PARD3: variants seen among roughly 807,000 people sequenced by gnomAD.
PARD3 encodes the protein par-3 family cell polarity regulator, also known as partitioning defective 3 homolog.
A neutral mutation model predicts 155.4 loss-of-function variants in PARD3; 75 were observed. That is an observed-to-expected ratio of 0.48 (90% CI 0.40 to 0.58). The LOEUF is 0.58. Ranked by LOEUF, PARD3 falls within the 20% of genes least tolerant of loss-of-function variation. The pLI, the probability that PARD3 is intolerant of heterozygous loss-of-function variation, is 0.00. For missense variants in PARD3, 1,642 were observed against 1,721.7 expected (o/e 0.95, Z 0.82); for synonymous variants, 576 against 610.5 (o/e 0.94, Z 0.83).
At chr10:34,151,527 A>G (rs1564435516) in intron 22 of PARD3, among the ~76,000 whole-genome samples, 1 of 152,202 alleles carries the variant, frequency 6.6e-6, no homozygotes. Context: ...AGTTTGAGGT[A>G]TACATTTTTT....
intron 1 of PARD3, among the ~76,000 whole-genome samples, chr10:34,796,939 C>T (rs1274811676): frequency 6.6e-6 from 1 of 152,158 alleles, no homozygotes; most frequent in Admixed American, 6.5e-5. Flanking sequence ...GAACTGAGAT[C>T]GTGCCACTGC....
At chr10:34,221,414 A>G (rs1269266510) in intron 22 of PARD3, among the ~76,000 whole-genome samples, 1 of 141,900 alleles carries the variant, frequency 7.0e-6, no homozygotes, top group Admixed American at 7.0e-5. Context: ...TTTGATAAGT[A>G]AAAATTGTAG....
rs144948669 is a variant in PARD3, at chr10:34,679,322, G to A, written c.222+16996C>T. ...AAAACTGCACCAGTCAAACAGGCCGGAGGTAGTTTGTCAAGAGTAAAACAG... is the reference window on the plus strand; with the variant it reads ...AAAACTGCACCAGTCAAACAGGCCGAAGGTAGTTTGTCAAGAGTAAAACAG... On this transcript the variant is annotated intron_variant, in intron 2 of 24. Coordinates refer to ENST00000374788, the MANE Select transcript of PARD3 (RefSeq NM_001184785.2). Among the ~76,000 whole-genome samples, 5 of 152,256 alleles carry A rather than the reference G, an allele frequency of 3.3e-5. No individual in the cohort carries two copies. The East Asian group carries it at 9.7e-4, about 29-fold the overall frequency.
chr10:34,695,006 A>G (rs1200937743), intron 2 of PARD3, among the ~76,000 whole-genome samples: 2 of 152,140 alleles, frequency 1.3e-5, no homozygotes, highest in African/African-American at 2.4e-5. Context: ...AGCAGAGTGA[A>G]TATCTGGGTG....
At chr10:34,119,264 T>G (rs1678016085) in intron 24 of PARD3, among the ~76,000 whole-genome samples, 1 of 152,236 alleles carries the variant, frequency 6.6e-6, no homozygotes, top group Admixed American at 6.5e-5. Context: ...CCATATGTGC[T>G]AAGCCAAATA....
At chr10:34,368,335 A>G (rs1313596804) in intron 12 of PARD3, among the ~76,000 whole-genome samples, 1 of 152,148 alleles carries the variant, frequency 6.6e-6, no homozygotes, top group East Asian at 1.9e-4. Flanking sequence ...AGATAGGTAG[A>G]AGTCAGTAGG....
At chr10:34,432,375 C>G (rs1000304223) in intron 5 of PARD3, among the ~76,000 whole-genome samples, 5 of 139,594 alleles carry the variant, frequency 3.6e-5, no homozygotes, top group African/African-American at 7.9e-5. Flanking sequence ...CACACACACA[C>G]AGAGGAGTAA....
intron 21 of PARD3, among the ~76,000 whole-genome samples, chr10:34,282,254 C>T (rs1001298010): frequency 1.3e-5 from 2 of 151,892 alleles, no homozygotes; most frequent in African/African-American, 2.4e-5. Flanking sequence ...AATTATGAGC[C>T]TAATTGACTT....
intron 2 of PARD3, among the ~76,000 whole-genome samples, chr10:34,669,756 G>A (rs1464542266): frequency 6.6e-6 from 1 of 152,100 alleles, no homozygotes; most frequent in African/African-American, 2.4e-5. Flanking sequence ...GATGTTCTGA[G>A]TATCTGCATT....
intron 1 of PARD3, among the ~76,000 whole-genome samples, chr10:34,709,301 AGTACTTATGT>A (rs1413634259): frequency 1.3e-5 from 2 of 152,230 alleles, no homozygotes; most frequent in Non-Finnish European, 1.5e-5. Context: ...GTTTGTGTTA[AGTACTTATGT>A]GTGGAATTTT....
At chr10:34,551,222 T>G (rs1322724078) in intron 2 of PARD3, among the ~76,000 whole-genome samples, 1 of 152,082 alleles carries the variant, frequency 6.6e-6, no homozygotes. Flanking sequence ...AAGAAAATGC[T>G]CATATCCCGA....
At chr10:34,163,278 C>T (rs986969871) in intron 22 of PARD3, among the ~76,000 whole-genome samples, 1 of 151,906 alleles carries the variant, frequency 6.6e-6, no homozygotes, top group Non-Finnish European at 1.5e-5. Flanking sequence ...ACCCACAAGG[C>T]GTGGGAGAAA....
chr10:34,605,655 C>A (rs1168223501), intron 2 of PARD3, among the ~76,000 whole-genome samples: 6 of 102,100 alleles, frequency 5.9e-5, no homozygotes, highest in South Asian at 2.8e-4. Context: ...ATATATATAT[C>A]TCCTATATAT....
chr10:34,285,008 T>C (rs1956319173), intron 20 of PARD3, among the ~76,000 whole-genome samples: 1 of 152,222 alleles, frequency 6.6e-6, no homozygotes, highest in African/African-American at 2.4e-5. Flanking sequence ...ATCCAAAATA[T>C]CCCAGTTTGA....
chr10:34,417,373 T>G (rs1387253408), intron 5 of PARD3, among the ~76,000 whole-genome samples: 2 of 152,176 alleles, frequency 1.3e-5, no homozygotes, highest in African/African-American at 4.8e-5. Context: ...ACACTGAATT[T>G]CCTATGATCA....
intron 2 of PARD3, among the ~76,000 whole-genome samples, chr10:34,657,939 G>T (rs565659406): frequency 1.3e-5 from 2 of 152,154 alleles, no homozygotes; most frequent in African/African-American, 4.8e-5. Flanking sequence ...GAGGTCAGGA[G>T]ATCGAGACTG....
chr10:34,332,764 T>C (rs1835753150), intron 18 of PARD3, among the ~76,000 whole-genome samples: 1 of 152,194 alleles, frequency 6.6e-6, no homozygotes, highest in Non-Finnish European at 1.5e-5. Flanking sequence ...TGCAGGTTTG[T>C]CTATATTTCT....
chr10:34,510,892 C>G (rs868146754), intron 3 of PARD3, among the ~76,000 whole-genome samples: 1 of 152,070 alleles, frequency 6.6e-6, no homozygotes, highest in Non-Finnish European at 1.5e-5. Context: ...ATTTCAATAA[C>G]CTTATTGCAT....
chr10:34,524,545 G>C (rs1210655651), intron 2 of PARD3, among the ~76,000 whole-genome samples: 3 of 152,136 alleles, frequency 2.0e-5, no homozygotes, highest in African/African-American at 4.8e-5. Context: ...TAATAGCCTT[G>C]AGTATGTCAA....
Sources: gnomAD v4.1 joint callset for allele counts (sites outside exome capture counted in the v4.1 genomes callset) on GRCh38, gnomAD v4.1.1 for gene constraint, MANE v1.5 for transcripts, NCBI Gene and HGNC (gene_info 2026-07-23, HGNC 2026-07-21) for gene names.